Variants in ZFAT observed in about 807,000 individuals in gnomAD.
ZFAT encodes the protein zinc finger protein ZFAT.
A neutral mutation model predicts 117.7 loss-of-function variants in ZFAT; 64 were observed. The observed-to-expected ratio is 0.54, with a 90% CI of 0.44 to 0.67. The LOEUF (loss-of-function observed/expected upper bound fraction) is 0.67. Among genes scored for constraint, ZFAT ranks in the 30% least tolerant of loss-of-function variants. The pLI, the probability that ZFAT is intolerant of heterozygous loss-of-function variation, is 0.00. For missense variants in ZFAT, 1,433 were observed against 1,584.5 expected (o/e 0.90, Z 1.62); for synonymous variants, 679 against 615.0 (o/e 1.10, Z -1.54).
chr8:134,824,611 T>C, the ZFAT span, among the ~76,000 whole-genome samples: 3 of 152,214 alleles, frequency 2.0e-5, no homozygotes, highest in African/African-American at 7.2e-5. Flanking sequence ...TACACAAATA[T>C]GTTCTACTTA....
At chr8:134,583,675 A>C (rs1400766441) in intron 10 of ZFAT, among the ~76,000 whole-genome samples, 157 bp downstream of exon 10, 2 of 152,150 alleles carry the variant, frequency 1.3e-5, no homozygotes, top group Non-Finnish European at 2.9e-5. Context: ...CAGGAATGGG[A>C]GGAAGTCAGG....
At chr8:134,799,464 G>A in the ZFAT span, among the ~76,000 whole-genome samples, 1 of 152,286 alleles carries the variant, frequency 6.6e-6, no homozygotes, top group African/African-American at 2.4e-5. Flanking sequence ...TTAATTTTCA[G>A]TATTTTAAGT....
intron 11 of ZFAT, among the ~76,000 whole-genome samples, chr8:134,533,291 C>T (rs879835651): frequency 6.6e-6 from 1 of 152,022 alleles, no homozygotes; most frequent in Non-Finnish European, 1.5e-5. Flanking sequence ...AAGCAATACA[C>T]TAATCTATCA....
chr8:134,603,253 G>A (rs1409602588), intron 5 of ZFAT, among the ~76,000 whole-genome samples: 1 of 152,206 alleles, frequency 6.6e-6, no homozygotes, highest in Non-Finnish European at 1.5e-5. Flanking sequence ...GAGAAAACTT[G>A]AGGAAGAGAT....
chr8:134,795,716 C>T, the ZFAT span: 1 of 152,138 alleles, frequency 6.6e-6, no homozygotes, highest in Non-Finnish European at 1.5e-5. Context: ...TAGTCTCTTC[C>T]TCTGTGATAT....
rs1825880890 is a variant in ZFAT at position 134,583,852 on chromosome 8, T to C, written c.2867A>G (p.Lys956Arg). Reference protein sequence around the residue: ...FKSKGTLKSHKLLHTADGKQF... With the variant: ...FKSKGTLKSHRLLHTADGKQF... ...CTCACCATCTGCAGTGTGAAGGAGTTTGTGACTTTTCAGTGTCCCTTTTGA... is the reference window on the plus strand; with the variant it reads ...CTCACCATCTGCAGTGTGAAGGAGTCTGTGACTTTTCAGTGTCCCTTTTGA... Residue 956 changes from lysine (K) to arginine (R), a missense_variant, in exon 10 of 16, where the codon AAA becomes AGA. Around this residue, in one of 5 missense-constraint regions of ZFAT, gnomAD observed 503 missense variants for 543.4 expected, o/e 0.93. Coordinates refer to ENST00000377838, the MANE Select transcript of ZFAT (RefSeq NM_020863.4). 1.9e-6 allele frequency: 3 copies of C among 1,613,722 alleles called. No individual in the cohort carries two copies. Among genetic ancestry groups the C allele is most frequent in the Non-Finnish European group, 1.7e-6 (2 of 1,179,802 alleles).
At chr8:134,715,664 T>A (rs183747770), upstream of ZFAT, among the ~76,000 whole-genome samples, 39 of 152,364 alleles carry the variant, frequency 2.6e-4, no homozygotes, top group Non-Finnish European at 4.7e-4. Flanking sequence ...AATGGCAAGC[T>A]GCCTCGGTGA....
intron 3 of ZFAT, among the ~76,000 whole-genome samples, chr8:134,632,916 A>G (rs957938323): frequency 6.6e-6 from 1 of 152,230 alleles, no homozygotes; most frequent in Non-Finnish European, 1.5e-5. Flanking sequence ...ACAAATTAAA[A>G]CAATTAAAGC....
Position 134,582,031 on chromosome 8 carries a change from CATA to C in ZFAT, c.2887+1798_2887+1800del, listed in dbSNP as rs1825748369. Among the ~76,000 whole-genome samples, 3 of 152,310 alleles carry C rather than the reference CATA, an allele frequency of 2.0e-5. 1 individual carries two copies. Among genetic ancestry groups the C allele is most frequent in the African/African-American group, 7.2e-5 (3 of 41,558 alleles). On this transcript the variant is annotated intron_variant, in intron 10 of 15. Coordinates refer to ENST00000377838, the MANE Select transcript of ZFAT (RefSeq NM_020863.4). ...CCCAATGTTTTGTTAGAAAATACTT[CATA>C]ATGTTTGAATACCATTCCTTTTCAG...
chr8:134,601,154 C>T (rs1282545844), intron 6 of ZFAT, among the ~76,000 whole-genome samples: 1 of 152,108 alleles, frequency 6.6e-6, no homozygotes, highest in Non-Finnish European at 1.5e-5. Context: ...TAGTAGTTGG[C>T]CACAATTTAA....
the ZFAT span, among the ~76,000 whole-genome samples, chr8:134,783,043 T>C: frequency 6.6e-6 from 1 of 152,102 alleles, no homozygotes; most frequent in East Asian, 1.9e-4. Flanking sequence ...ACCTTTGTGA[T>C]TTTCTTAATG....
intron 15 of ZFAT, among the ~76,000 whole-genome samples, chr8:134,481,722 G>A (rs1817320273): frequency 6.6e-6 from 1 of 152,194 alleles, no homozygotes; most frequent in South Asian, 2.1e-4. Flanking sequence ...TCCCTCGCTG[G>A]CCTGGAAATG....
chr8:134,831,344 CCT>C, the ZFAT span, among the ~76,000 whole-genome samples: 1 of 152,128 alleles, frequency 6.6e-6, no homozygotes, highest in Admixed American at 6.5e-5. Flanking sequence ...CAAGCAGTTC[CCT>C]CTCTCCCAAG....
chr8:134,820,484 C>T, the ZFAT span, among the ~76,000 whole-genome samples: 1 of 152,242 alleles, frequency 6.6e-6, no homozygotes, highest in South Asian at 2.1e-4. Context: ...GCTATGGTAA[C>T]AAATGTCCAA....
the ZFAT span, among the ~76,000 whole-genome samples, chr8:134,719,588 G>A: frequency 6.6e-6 from 1 of 152,144 alleles, no homozygotes; most frequent in Non-Finnish European, 1.5e-5. Flanking sequence ...GCACTGGTGG[G>A]GAGTGGCAAT....
the ZFAT span, among the ~76,000 whole-genome samples, chr8:134,782,698 T>G: frequency 2.6e-5 from 4 of 152,124 alleles, no homozygotes; most frequent in Non-Finnish European, 4.4e-5. Flanking sequence ...TTCTCTTGTC[T>G]GCTGCCATGC....
At chr8:134,608,699 G>C in intron 5 of ZFAT, 30 bp downstream of exon 5, 1 of 1,599,308 alleles carries the variant, frequency 6.3e-7, no homozygotes, top group South Asian at 1.1e-5. Flanking sequence ...GCAACCTCTG[G>C]CTGAAGTTAC....
At chr8:134,723,874 T>G in the ZFAT span, 7 of 152,350 alleles carry the variant, frequency 4.6e-5, 1 homozygote, top group South Asian at 2.1e-4. Context: ...GAGAGAAAAC[T>G]GATAACCCTG....
chr8:134,679,854 T>C (rs1328744706), intron 1 of ZFAT, among the ~76,000 whole-genome samples: 1 of 147,980 alleles, frequency 6.8e-6, no homozygotes, highest in Non-Finnish European at 1.5e-5. Flanking sequence ...AACCAAACAC[T>C]GCATGTTCTC....
Sources: allele counts gnomAD v4.1 joint callset (sites outside exome capture counted in the v4.1 genomes callset), GRCh38; gene constraint gnomAD v4.1.1; regional missense constraint gnomAD v4.1.1; transcripts MANE v1.5; gene names NCBI Gene and HGNC (gene_info 2026-07-23, HGNC 2026-07-21).